The following CACNA1C variants were observed in gnomAD, a reference collection of about 807,000 sequenced individuals.
CACNA1C encodes the protein voltage-dependent L-type calcium channel subunit alpha-1C.
Under a neutral mutation model 229.0 loss-of-function variants are expected in CACNA1C, and 30 were observed. The ratio of observed to expected loss-of-function variants is 0.13; its 90% CI spans 0.10 to 0.18. The LOEUF (loss-of-function observed/expected upper bound fraction) is 0.18. Ranked by LOEUF, CACNA1C falls within the 10% of genes least tolerant of loss-of-function variation. The pLI is 1.00. For missense variants in CACNA1C, 1,658 were observed against 2,845.0 expected, an observed-to-expected ratio of 0.58 and a Z score of 9.49; for synonymous variants, 1,114 against 1,132.5, an observed-to-expected ratio of 0.98 and a Z score of 0.33.
chr12:2,060,936 TAC>T (rs949732500), intron 1 of CACNA1C, among the ~76,000 whole-genome samples: 2 of 152,268 alleles, frequency 1.3e-5, no homozygotes, highest in African/African-American at 2.4e-5. Context: ...TTGTGTCATG[TAC>T]AGTCATTTAT....
At position 2,053,460 on chromosome 12, in the gene CACNA1C, A is replaced by G. The variant is rs2052926995; in HGVS notation, c.-103A>G. On this transcript the variant is annotated 5_prime_UTR_variant, in exon 1 of 47. Coordinates refer to ENST00000399655, the MANE Select transcript of CACNA1C (RefSeq NM_000719.7). The surrounding 1 kb of genome is among the most constrained non-coding windows in gnomAD (Gnocchi z 5.8). Reference sequence around the variant, plus strand: ...ACGGCTTCCTCGAATCTTGCGCGAAAGCCGCCGGCCTCGGAGGAGGGATTA... The same window carrying G: ...ACGGCTTCCTCGAATCTTGCGCGAAGGCCGCCGGCCTCGGAGGAGGGATTA... The G allele has an allele frequency of 6.7e-7, 1 of 1,482,060 alleles. No homozygotes were observed. Among genetic ancestry groups the G allele is most frequent in the East Asian group, 2.7e-5 (1 of 37,366 alleles). The allele number at this position is 1,482,060 out of a possible 1,614,324, so 91.8% of individuals were successfully genotyped here. A position where few individuals can be genotyped will look rare whatever the true frequency, so the allele number is the denominator to read the frequency against.
intron 3 of CACNA1C, among the ~76,000 whole-genome samples, chr12:2,293,781 T>C (rs1042168441): frequency 1.3e-5 from 2 of 152,250 alleles, no homozygotes; most frequent in African/African-American, 2.4e-5. Context: ...TATACTCTTA[T>C]CATTTTTATT....
At chr12:2,035,685 A>G (rs1050088964) in intron 1 of CACNA1C, among the ~76,000 whole-genome samples, 4 of 152,226 alleles carry the variant, frequency 2.6e-5, no homozygotes, top group Admixed American at 2.0e-4. Context: ...AGGTGTGCCT[A>G]TAGAACCACA....
At position 2,697,054 on chromosome 12, in the gene CACNA1C, AAC is replaced by A. The variant is rs2097847729; in HGVS notation, c.*5861_*5862del. 1 of 152,250 alleles carries A rather than the reference AAC, an allele frequency of 6.6e-6. No individual in the cohort carries two copies. The highest frequency in any genetic ancestry group is 6.5e-5 in the Admixed American group (1 of 15,272). The allele number at this position is 152,250 out of a possible 1,614,324, so 9.4% of individuals were successfully genotyped here. On this transcript the variant is annotated 3_prime_UTR_variant, in exon 47 of 47. Transcript: ENST00000399655. Reference sequence around the variant, plus strand: ...GTACATCAAGGGAAGATGATTTGTAAACACACAGTCCTGTGCAGAAAGATCCC... The same window carrying A: ...GTACATCAAGGGAAGATGATTTGTAAACACAGTCCTGTGCAGAAAGATCCC...
chr12:2,287,017 T>A lies in CACNA1C; in HGVS notation c.478-161959T>A, dbSNP rs1349892620. Among the ~76,000 whole-genome samples, 1 of 152,108 alleles carries A rather than the reference T, an allele frequency of 6.6e-6. No homozygotes were observed. Among genetic ancestry groups the A allele is most frequent in the African/African-American group, 2.4e-5 (1 of 41,430 alleles). ...GTGTGTGGAGAGGTCATGCAAGAAA[T>A]TTGGAAGCTGTGTGCCTTGTCTGGC... On this transcript the variant is annotated intron_variant, in intron 3 of 46. Transcript: ENST00000399655. This position sits in a 1 kb window ranked among gnomAD's most constrained non-coding sequence, Gnocchi z 4.6.
At chr12:2,552,145 C>T (rs1413725788) in intron 10 of CACNA1C, among the ~76,000 whole-genome samples, 2 of 152,208 alleles carry the variant, frequency 1.3e-5, no homozygotes, top group Non-Finnish European at 2.9e-5. Flanking sequence ...AGCCTGGAAG[C>T]CGCGGGAGGA....
At chr12:2,462,288 C>T (rs567280683) in intron 5 of CACNA1C, among the ~76,000 whole-genome samples, 1 of 150,982 alleles carries the variant, frequency 6.6e-6, no homozygotes, top group Non-Finnish European at 1.5e-5. Context: ...TTCCTCGGCA[C>T]CCCCTCGGCT....
At chr12:2,600,709 A>G (rs1175353923) in intron 21 of CACNA1C, among the ~76,000 whole-genome samples, 1 of 152,234 alleles carries the variant, frequency 6.6e-6, no homozygotes, top group Non-Finnish European at 1.5e-5. Flanking sequence ...TGTAGCAGTC[A>G]TCGTCATCTT....
intron 3 of CACNA1C, among the ~76,000 whole-genome samples, chr12:2,378,253 A>G (rs2098130467): frequency 6.6e-6 from 1 of 152,220 alleles, no homozygotes; most frequent in Non-Finnish European, 1.5e-5. Flanking sequence ...CAGAAACACA[A>G]GCTAGAAAAA....
At chr12:2,228,466 T>G (rs1050674872) in intron 3 of CACNA1C, among the ~76,000 whole-genome samples, 2 of 152,198 alleles carry the variant, frequency 1.3e-5, no homozygotes, top group African/African-American at 4.8e-5. Context: ...CAAGCCTGAG[T>G]TGGCAACTCT....
chr12:2,219,627 C>T (rs1453401473), intron 3 of CACNA1C, among the ~76,000 whole-genome samples: 1 of 152,166 alleles, frequency 6.6e-6, no homozygotes, highest in Admixed American at 6.5e-5. Flanking sequence ...GGAAGAAGCT[C>T]CAGCCCGTAA....
In CACNA1C at chr12:2,575,746, G is replaced by A. The variant is rs764394286; in HGVS notation, c.1896-5844G>A. On this transcript the variant is annotated intron_variant, in intron 13 of 46. Transcript: ENST00000399655. The surrounding 1 kb of genome is among the most constrained non-coding windows in gnomAD (Gnocchi z 4.0). ...AGGGTGGAACATTTGCAGAGCATCC[G>A]AAAGTGGTGGGTACTGTTATTTTGA... Among the ~76,000 whole-genome samples, 4 of 152,136 alleles carry A rather than the reference G, an allele frequency of 2.6e-5. No individual in the cohort carries two copies. The highest frequency in any genetic ancestry group is 4.4e-5 in the Non-Finnish European group (3 of 68,028).
intron 3 of CACNA1C, among the ~76,000 whole-genome samples, chr12:2,164,247 T>C (rs111460343): frequency 0.017 from 2,595 of 152,348 alleles, 73 homozygotes; most frequent in African/African-American, 0.059. Flanking sequence ...AGACACTGGG[T>C]CTGCTTTCCT....
intron 3 of CACNA1C, among the ~76,000 whole-genome samples, chr12:2,284,729 C>A (rs1414620835): frequency 6.6e-6 from 1 of 152,192 alleles, no homozygotes; most frequent in Non-Finnish European, 1.5e-5. Context: ...GACTGAGTGG[C>A]AGTTGGACGA....
rs183901242 is a variant in CACNA1C at position 2,109,964 on chromosome 12, G to A, written c.50-5260G>A. ...GTCCACCTTCACCTGTATCATGACA[G>A]CATTATCGTTACAGTCCTTAGCAAA... On this transcript the variant is annotated intron_variant, in intron 1 of 46. Coordinates refer to ENST00000399655, the MANE Select transcript of CACNA1C (RefSeq NM_000719.7). 1.4e-3 allele frequency among the ~76,000 whole-genome samples: 213 copies of A among 152,284 alleles called. 3 individuals carry two copies. The highest frequency in any genetic ancestry group is 2.0e-3 in the Non-Finnish European group (133 of 68,030).
At chr12:1,987,281 C>T (rs1281584797) in intron 1 of CACNA1C, among the ~76,000 whole-genome samples, 1 of 152,146 alleles carries the variant, frequency 6.6e-6, no homozygotes. Flanking sequence ...TTCATATGTA[C>T]ATCATTATAA....
intron 3 of CACNA1C, among the ~76,000 whole-genome samples, chr12:2,244,185 C>T (rs148588775): frequency 0.011 from 1,714 of 152,352 alleles, 28 homozygotes; most frequent in African/African-American, 0.039. Flanking sequence ...CTGTAGTTAG[C>T]CACTTGCTCC....
chr12:2,382,216 A>G (rs901150990), intron 3 of CACNA1C, among the ~76,000 whole-genome samples: 3 of 152,256 alleles, frequency 2.0e-5, no homozygotes, highest in Non-Finnish European at 2.9e-5. Context: ...TACTTTGTCC[A>G]CCATTAGAAA....
intron 3 of CACNA1C, among the ~76,000 whole-genome samples, chr12:2,350,557 A>G (rs537664250): frequency 9.8e-5 from 15 of 152,340 alleles, no homozygotes; most frequent in African/African-American, 3.6e-4. Flanking sequence ...TGTGTCCACA[A>G]TGATGGCAAA....
Sources: allele counts gnomAD v4.1 joint callset (sites outside exome capture counted in the v4.1 genomes callset), GRCh38; gene constraint gnomAD v4.1.1; non-coding constraint Gnocchi (gnomAD v3.1); transcripts MANE v1.5; gene names NCBI Gene and HGNC (gene_info 2026-07-23, HGNC 2026-07-21).